The following ZDHHC5 variants were observed in gnomAD, a reference collection of about 807,000 sequenced individuals.
The protein encoded by ZDHHC5 is zDHHC palmitoyltransferase 5, also known as palmitoyltransferase ZDHHC5.
A neutral mutation model predicts 70.0 loss-of-function variants in ZDHHC5; 22 were observed. The ratio of observed to expected loss-of-function variants is 0.31; its 90% CI spans 0.22 to 0.45. ZDHHC5 has a LOEUF of 0.45. Ranked by LOEUF, ZDHHC5 falls within the 20% of genes least tolerant of loss-of-function variation. The pLI is 1.00. For missense variants in ZDHHC5, 746 were observed against 926.9 expected (o/e 0.80, Z 2.53); for synonymous variants, 313 against 347.8 (o/e 0.90, Z 1.11).
At chr11:57,679,922 A>G (rs1946127110) in intron 2 of ZDHHC5, among the ~76,000 whole-genome samples, 1 of 152,078 alleles carries the variant, frequency 6.6e-6, no homozygotes, top group Non-Finnish European at 1.5e-5. Context: ...CATCATTTCT[A>G]GATTCTGGCA....
At chr11:57,685,294 A>G (rs1181089848) in intron 3 of ZDHHC5, among the ~76,000 whole-genome samples, 1 of 152,230 alleles carries the variant, frequency 6.6e-6, no homozygotes, top group African/African-American at 2.4e-5. Flanking sequence ...TTTAATGTTC[A>G]TTCATCAAAT....
At chr11:57,698,479 T>G in intron 10 of ZDHHC5, 80 bp from the exon 11 acceptor site, 1 of 1,512,292 alleles carries the variant, frequency 6.6e-7, no homozygotes, top group Non-Finnish European at 8.8e-7. Flanking sequence ...TAATTCTCTT[T>G]TTGACCAACT....
chr11:57,676,007 GC>G (rs1368993978), intron 2 of ZDHHC5, among the ~76,000 whole-genome samples: 9 of 152,294 alleles, frequency 5.9e-5, no homozygotes, highest in African/African-American at 1.9e-4. Context: ...GCTACAACTA[GC>G]TACATTATTA....
At chr11:57,694,868 A>G (rs1946329661) in intron 8 of ZDHHC5, among the ~76,000 whole-genome samples, 1 of 152,196 alleles carries the variant, frequency 6.6e-6, no homozygotes, top group South Asian at 2.1e-4. Context: ...CCCAGCACTT[A>G]GCGAGGCTGA....
Position 57,695,946 on chromosome 11 carries a change from G to C in ZDHHC5, c.912G>C (p.Glu304Asp). The C allele has an allele frequency of 1.9e-6, 3 of 1,614,084 alleles. No homozygotes were observed. The highest frequency in any genetic ancestry group is 2.5e-6 in the Non-Finnish European group (3 of 1,180,018). Residue 304 changes from glutamate to aspartate, a missense_variant, in exon 9 of 12, where the codon GAG becomes GAC. This residue lies in a region of ZDHHC5 where 179 missense variants were observed against 178.4 expected (regional missense o/e 1.00). Coordinates refer to ENST00000287169, the MANE Select transcript of ZDHHC5 (RefSeq NM_015457.3). ...TKSKGSLEIT[E>D]SQSADAEPPP... ...CTAAGGGAAGCCTGGAGATAACAGA[G>C]AGCCAGTCTGCAGATGCTGAACCTC... is the stretch of plus-strand genomic sequence containing the variant.
chr11:57,699,254 C>T lies in ZDHHC5; in HGVS notation c.1818C>T (p.Pro606=), dbSNP rs1448496362. 1 of 1,614,230 alleles carries T rather than the reference C, an allele frequency of 6.2e-7. No homozygotes were observed. ...CTCCACTGGGACGCCCAGCTGTCCC[C>T]CGTTTTGGCAAGCCAGATGGGCTAA... is the stretch of plus-strand genomic sequence containing the variant. ...GKTPLGRPAV[P]RFGKPDGLRG... is the part of the protein sequence containing the mutation. Residue 606 remains proline (P), a synonymous_variant, in exon 11 of 12, where the codon CCC becomes CCT. Transcript: ENST00000287169.
At chr11:57,682,594 A>T (rs1163047548) in intron 3 of ZDHHC5, 51 bp downstream of exon 3, 3 of 1,595,090 alleles carry the variant, frequency 1.9e-6, no homozygotes, top group Non-Finnish European at 1.7e-6. Flanking sequence ...TTGAAAAATA[A>T]TGAGTTGGCC....
intron 8 of ZDHHC5, among the ~76,000 whole-genome samples, chr11:57,695,465 T>A (rs1215586287): frequency 2.6e-5 from 4 of 151,866 alleles, no homozygotes; most frequent in Non-Finnish European, 5.9e-5. Flanking sequence ...ATACCCAAAC[T>A]GATTCTTGTG....
chr11:57,679,254 C>T (rs1227476539), intron 2 of ZDHHC5, among the ~76,000 whole-genome samples: 1 of 152,132 alleles, frequency 6.6e-6, no homozygotes, highest in Non-Finnish European at 1.5e-5. Flanking sequence ...CTCTGCCCCC[C>T]GGGTTCAAGT....
chr11:57,696,954 T>C, intron 10 of ZDHHC5, 81 bp downstream of exon 10: 2 of 1,443,092 alleles, frequency 1.4e-6, no homozygotes, highest in Non-Finnish European at 1.9e-6. Flanking sequence ...CCCAGCACTT[T>C]GGGAGCCCAA....
At chr11:57,671,918 C>G in intron 1 of ZDHHC5, 103 bp from the exon 2 acceptor site, 1 of 229,110 alleles carries the variant, frequency 4.4e-6, no homozygotes, top group Non-Finnish European at 8.4e-6. Context: ...AACAGTCTTT[C>G]TTTCAGAAAG....
chr11:57,679,604 T>C (rs1265128031), intron 2 of ZDHHC5, among the ~76,000 whole-genome samples: 1 of 152,166 alleles, frequency 6.6e-6, no homozygotes, highest in African/African-American at 2.4e-5. Context: ...CTCCCTAGGC[T>C]TTTAGAGCTT....
chr11:57,693,053 AC>A (rs1946305778), intron 7 of ZDHHC5, among the ~76,000 whole-genome samples: 1 of 151,628 alleles, frequency 6.6e-6, no homozygotes, highest in Admixed American at 6.6e-5. Flanking sequence ...GGCGGCTCAC[AC>A]CCAGCACTTT....
chr11:57,698,118 A>AACACACACACACAC (rs113494839), intron 10 of ZDHHC5, among the ~76,000 whole-genome samples: 1,281 of 110,346 alleles, frequency 0.012, 17 homozygotes, highest in African/African-American at 0.033. Context: ...CTGGGCTTAA[A>AACACACACACACAC]ACACACACAC....
intron 2 of ZDHHC5, among the ~76,000 whole-genome samples, chr11:57,677,880 G>C (rs1408551015): frequency 6.6e-6 from 1 of 152,172 alleles, no homozygotes; most frequent in African/African-American, 2.4e-5. Context: ...TCTTATCCAG[G>C]AATAAGTGCC....
chr11:57,693,008 A>C (rs938221762), intron 7 of ZDHHC5, among the ~76,000 whole-genome samples: 2 of 152,088 alleles, frequency 1.3e-5, no homozygotes, highest in African/African-American at 4.8e-5. Flanking sequence ...GTTCCACCTC[A>C]GATCATGAGG....
At position 57,690,108 on chromosome 11, in the gene ZDHHC5, T is replaced by C. The variant is rs1946262265; in HGVS notation, c.462T>C (p.Leu154=). 2.5e-6 allele frequency: 4 copies of C among 1,614,160 alleles called. No individual in the cohort carries two copies. The highest frequency in any genetic ancestry group is 2.2e-5 in the East Asian group (1 of 44,880). ...ACCGTTATTTTTTCCTTTTCCTCCT[T>C]TCCCTGACAGCCCACATTATGGGTG... ...RNYRYFFLFL[L]SLTAHIMGVF... Residue 154 remains leucine (L), a synonymous_variant, in exon 5 of 12, where the codon CTT becomes CTC. Transcript: ENST00000287169.
rs555314929 is a variant in ZDHHC5 at position 57,699,166 on chromosome 11, C to T, written c.1730C>T (p.Ser577Leu). The change falls in exon 11 of 12, where the codon TCG (serine) becomes TTG (leucine). Residue 577 changes from serine (S) to leucine (L), a missense_variant. By Grantham distance (145) the Ser-to-Leu change is moderately radical (BLOSUM62 -2). Coordinates refer to ENST00000287169, the MANE Select transcript of ZDHHC5 (RefSeq NM_015457.3). Reference protein sequence around the residue: ...GDSGIQSTPGSGHAPRTSSSS... With the variant: ...GDSGIQSTPGLGHAPRTSSSS... ...TCAGGCATTCAGTCAACACCAGGCT[C>T]GGGCCATGCCCCTCGTACTAGTTCC... 116 of 1,614,274 alleles carry T rather than the reference C, an allele frequency of 7.2e-5. No homozygotes were observed. The highest frequency in any genetic ancestry group is 6.0e-4 in the South Asian group (55 of 91,090).
chr11:57,676,645 T>C (rs984683474), intron 2 of ZDHHC5, among the ~76,000 whole-genome samples: 11 of 151,380 alleles, frequency 7.3e-5, no homozygotes, highest in Non-Finnish European at 1.3e-4. Context: ...TGAAATCTTA[T>C]ATACAAAAAA....
Sources: allele counts gnomAD v4.1 joint callset (sites outside exome capture counted in the v4.1 genomes callset), GRCh38; gene constraint gnomAD v4.1.1; regional missense constraint gnomAD v4.1.1; transcripts MANE v1.5; gene names NCBI Gene and HGNC (gene_info 2026-07-23, HGNC 2026-07-21).